The following SSX2IP variants were observed in gnomAD, a reference collection of about 807,000 sequenced individuals.
SSX2IP encodes the protein afadin- and alpha-actinin-binding protein.
SSX2IP carries 55 observed loss-of-function variants against 84.9 expected under a neutral mutation model. The ratio of observed to expected loss-of-function variants is 0.65; its 90% CI spans 0.52 to 0.81. SSX2IP has a LOEUF of 0.81. Among genes scored for constraint, SSX2IP ranks in the 30% least tolerant of loss-of-function variants. The pLI, the probability that SSX2IP is intolerant of heterozygous loss-of-function variation, is 0.00. For synonymous variants in SSX2IP, 239 were observed against 234.7 expected (o/e 1.02, Z -0.17); for missense variants, 664 against 705.2 (o/e 0.94, Z 0.66).
rs185224259 is a variant in SSX2IP at position 84,647,458 on chromosome 1, T to G, written c.1820A>C (p.His607Pro). Residue 607 changes from histidine to proline, a missense_variant, in exon 14 of 14, where the codon CAT becomes CCT. By Grantham distance (77) the His-to-Pro change is moderately conservative. Transcript: ENST00000342203. ...SGCSLSYTNS[H>P]VEKDDLP The stretch of plus-strand genomic sequence containing the variant: ...CTAAGGTAAGTCATCTTTTTCTACA[T>G]GAGAATTTGTGTAGCTCAAGGAGCA... The G allele has an allele frequency of 6.9e-6, 11 of 1,604,480 alleles. No homozygotes were observed. Among genetic ancestry groups the G allele is most frequent in the Admixed American group, 1.7e-5 (1 of 58,162 alleles).
chr1:84,684,182 G>A (rs973225794), intron 1 of SSX2IP, among the ~76,000 whole-genome samples: 1 of 152,100 alleles, frequency 6.6e-6, no homozygotes, highest in Non-Finnish European at 1.5e-5. Context: ...GTGGTCCTGG[G>A]ACCAGCAGCA....
chr1:84,656,725 C>T (rs28667025), intron 9 of SSX2IP, among the ~76,000 whole-genome samples: 4,167 of 152,142 alleles, frequency 0.027, 200 homozygotes, highest in African/African-American at 0.095. Flanking sequence ...GAGTTCATGA[C>T]GACAATTACA....
At chr1:84,680,229 C>G (rs1654890800) in intron 1 of SSX2IP, 1 of 152,204 alleles carries the variant, frequency 6.6e-6, no homozygotes, top group East Asian at 1.9e-4. Flanking sequence ...CTTTAAATTC[C>G]TTATATATCT....
chr1:84,650,347 C>T lies in SSX2IP; in HGVS notation c.1670+15G>A. ...TTTTTAGAAACACGTGAAAAGATCACCTATAGACAAATACCTATGTTCAGA... is the reference window on the plus strand; with the variant it reads ...TTTTTAGAAACACGTGAAAAGATCATCTATAGACAAATACCTATGTTCAGA... On this transcript the variant is annotated intron_variant, in intron 13 of 13. Coordinates refer to ENST00000342203, the MANE Select transcript of SSX2IP (RefSeq NM_001166293.2). 1.2e-6 allele frequency: 2 copies of T among 1,614,066 alleles called. No homozygotes were observed. The highest frequency in any genetic ancestry group is 8.5e-7 in the Non-Finnish European group (1 of 1,179,938).
At chr1:84,648,772 A>C (rs1294816439) in intron 13 of SSX2IP, among the ~76,000 whole-genome samples, 1 of 152,224 alleles carries the variant, frequency 6.6e-6, no homozygotes, top group African/African-American at 2.4e-5. Context: ...AAATACTATA[A>C]GCTTACACAT....
At chr1:84,657,931 C>T (rs1355809118) in intron 9 of SSX2IP, among the ~76,000 whole-genome samples, 2 of 152,032 alleles carry the variant, frequency 1.3e-5, no homozygotes, top group Non-Finnish European at 2.9e-5. Context: ...GCCAGGAGTT[C>T]AAGATAAGCC....
chr1:84,664,437 T>C lies in SSX2IP; in HGVS notation c.653A>G (p.Asn218Ser). The change falls in exon 6 of 14, where the codon AAC becomes AGC. Residue 218 changes from asparagine (N) to serine (S), a missense_variant. Transcript: ENST00000342203. ...LKERLHQLVMNKKDKKIAMDI... is the reference protein window; with the variant it reads ...LKERLHQLVMSKKDKKIAMDI... ...TTTACCTATTTTCTTATCTTTCTTG[T>C]TCATAACAAGTTGATGTAGACGTTC... The C allele has an allele frequency of 6.3e-7, 1 of 1,596,378 alleles. No individual in the cohort carries two copies. The highest frequency in any genetic ancestry group is 8.5e-7 in the Non-Finnish European group (1 of 1,174,542).
intron 11 of SSX2IP, chr1:84,655,464 C>T: frequency 1.5e-6 from 2 of 1,297,326 alleles, no homozygotes; most frequent in Non-Finnish European, 2.0e-6. Flanking sequence ...ATTATACTTC[C>T]TTTTTAAACA....
chr1:84,657,475 A>G (rs1260594385), intron 9 of SSX2IP, among the ~76,000 whole-genome samples: 4 of 152,220 alleles, frequency 2.6e-5, no homozygotes, highest in African/African-American at 9.6e-5. Flanking sequence ...GTGAATTACT[A>G]GGAACATAGT....
chr1:84,673,943 C>A (rs955544500), intron 1 of SSX2IP, among the ~76,000 whole-genome samples: 1 of 152,154 alleles, frequency 6.6e-6, no homozygotes, highest in Admixed American at 6.5e-5. Flanking sequence ...GCACCTTGAA[C>A]TATTTTGTTC....
chr1:84,678,217 G>C (rs1024829110), intron 1 of SSX2IP, among the ~76,000 whole-genome samples: 3 of 152,150 alleles, frequency 2.0e-5, no homozygotes, highest in Admixed American at 6.5e-5. Context: ...ACTAGTTTAT[G>C]AACTTCTAGA....
At chr1:84,689,557 G>A (rs754387818) in intron 1 of SSX2IP, among the ~76,000 whole-genome samples, 1 of 152,228 alleles carries the variant, frequency 6.6e-6, no homozygotes, top group Non-Finnish European at 1.5e-5. Context: ...AGCGTTGCTA[G>A]TAATCGCAGT....
In SSX2IP at chr1:84,673,737, T is replaced by C. The variant is rs74903099; in HGVS notation, c.-89-2429A>G. 1.8e-3 allele frequency among the ~76,000 whole-genome samples: 268 copies of C among 152,214 alleles called. 1 individual carries two copies. The highest frequency in any genetic ancestry group is 6.1e-3 in the African/African-American group (252 of 41,534). On this transcript the variant is annotated intron_variant, in intron 1 of 13. Transcript: ENST00000342203. The stretch of plus-strand genomic sequence containing the variant: ...AGACAGAACCTTCAGAACTCAAAGA[T>C]GGATTGAAATGTGGGCAAAAAAGAA...
chr1:84,647,952 T>G (rs1201391450), intron 13 of SSX2IP, among the ~76,000 whole-genome samples: 2 of 151,970 alleles, frequency 1.3e-5, no homozygotes, highest in Non-Finnish European at 2.9e-5. Flanking sequence ...GATGACCAAA[T>G]TACTATAAAT....
rs1056261483 is a variant in SSX2IP at position 84,686,256 on chromosome 1, T to G, written c.-90+4115A>C. On this transcript the variant is annotated intron_variant, in intron 1 of 13. Transcript: ENST00000342203. ...AAAAAAATCTTTGAGACAGATATTA[T>G]AGTAAACTGGGCAATTAATGGTCAG... is the stretch of plus-strand genomic sequence containing the variant. 2.0e-5 allele frequency among the ~76,000 whole-genome samples: 3 copies of G among 152,342 alleles called. No individual in the cohort carries two copies. In the South Asian group the frequency reaches 6.2e-4, roughly 32 times the overall value.
At chr1:84,681,347 G>C (rs1056954606) in intron 1 of SSX2IP, among the ~76,000 whole-genome samples, 2 of 152,160 alleles carry the variant, frequency 1.3e-5, no homozygotes, top group African/African-American at 4.8e-5. Flanking sequence ...GGTACAGCCA[G>C]GCTATTCTGG....
intron 11 of SSX2IP, among the ~76,000 whole-genome samples, chr1:84,653,059 G>A (rs1650549793): frequency 6.6e-6 from 1 of 151,622 alleles, no homozygotes; most frequent in Non-Finnish European, 1.5e-5. Flanking sequence ...AAAAAACTAA[G>A]AAAAATTTCA....
At chr1:84,668,081 T>C (rs1653011704) in intron 4 of SSX2IP, among the ~76,000 whole-genome samples, 1 of 152,110 alleles carries the variant, frequency 6.6e-6, no homozygotes, top group African/African-American at 2.4e-5. Flanking sequence ...CACATTTCTG[T>C]CCATAGTTGA....
At chr1:84,670,151 G>A (rs943048045) in intron 3 of SSX2IP, 3 of 241,936 alleles carry the variant, frequency 1.2e-5, no homozygotes, top group Non-Finnish European at 2.4e-5. Context: ...TGTTGAACAT[G>A]ACAAATATAT....
Sources: allele counts gnomAD v4.1 joint callset (sites outside exome capture counted in the v4.1 genomes callset), GRCh38; gene constraint gnomAD v4.1.1; transcripts MANE v1.5; gene names NCBI Gene and HGNC (gene_info 2026-07-23, HGNC 2026-07-21).